The following CNBD1 variants were observed in gnomAD, a reference collection of about 807,000 sequenced individuals.
The protein encoded by CNBD1 is cyclic nucleotide-binding domain-containing protein 1.
Under a neutral mutation model 54.4 loss-of-function variants are expected in CNBD1, and 71 were observed. The observed-to-expected ratio is 1.30, with a 90% CI of 1.08 to 1.59. The LOEUF (loss-of-function observed/expected upper bound fraction) is 1.59. Among genes scored for constraint, CNBD1 ranks in the 40% most tolerant of loss-of-function variants. The pLI is 0.00. For missense variants in CNBD1, 659 were observed against 518.0 expected (o/e 1.27, Z -2.64); for synonymous variants, 182 against 170.7 (o/e 1.07, Z -0.51).
At chr8:87,259,847 A>G (rs1056547836) in intron 6 of CNBD1, among the ~76,000 whole-genome samples, 2 of 152,054 alleles carry the variant, frequency 1.3e-5, no homozygotes, top group African/African-American at 4.8e-5. Flanking sequence ...TAACCACAGG[A>G]CTCTTTAATA....
intron 2 of CNBD1, among the ~76,000 whole-genome samples, chr8:87,399,959 G>A (rs1039634291): frequency 6.6e-6 from 1 of 151,740 alleles, no homozygotes; most frequent in Admixed American, 6.6e-5. Context: ...ATGATAAAAG[G>A]CAGGACATAA....
At chr8:87,128,920 TAAA>T (rs71277914) in intron 4 of CNBD1, among the ~76,000 whole-genome samples, 6 of 126,350 alleles carry the variant, frequency 4.7e-5, no homozygotes, top group East Asian at 2.3e-4. Flanking sequence ...CGTCTCCACT[TAAA>T]AAAAAAAAAA....
intron 4 of CNBD1, among the ~76,000 whole-genome samples, chr8:87,120,289 T>A (rs1469862541): frequency 6.6e-6 from 1 of 152,088 alleles, no homozygotes; most frequent in East Asian, 1.9e-4. Flanking sequence ...TACTTCCTGA[T>A]TCAATCGTGG....
intron 10 of CNBD1, among the ~76,000 whole-genome samples, chr8:87,360,516 A>G (rs1810504594): frequency 2.6e-5 from 4 of 151,886 alleles, no homozygotes; most frequent in Admixed American, 2.6e-4. Context: ...TAAAGTCAAT[A>G]TATCTTTGTC....
intron 4 of CNBD1, among the ~76,000 whole-genome samples, chr8:87,183,377 C>T (rs1178900648): frequency 1.4e-4 from 15 of 109,438 alleles, no homozygotes; most frequent in Admixed American, 2.3e-4. Flanking sequence ...TTTGTTTTTG[C>T]GCTGTTTGTT....
chr8:87,402,216 G>A (rs555394771), intron 2 of CNBD1, among the ~76,000 whole-genome samples: 50 of 151,976 alleles, frequency 3.3e-4, no homozygotes, highest in African/African-American at 8.0e-4. Context: ...GGAAAAACCC[G>A]CCTCCATGAT....
chr8:87,137,116 ATATT>A (rs1812267118), intron 4 of CNBD1, among the ~76,000 whole-genome samples: 1 of 114,498 alleles, frequency 8.7e-6, no homozygotes, highest in Non-Finnish European at 1.7e-5. Context: ...TATATATATT[ATATT>A]TTTATTATAT....
chr8:87,047,126 T>C (rs1393325128), intron 4 of CNBD1, among the ~76,000 whole-genome samples: 1 of 152,162 alleles, frequency 6.6e-6, no homozygotes, highest in Non-Finnish European at 1.5e-5. Context: ...ATTGTAAGTG[T>C]AATGTTGCAG....
At chr8:86,910,635 A>G (rs574309166) in intron 3 of CNBD1, among the ~76,000 whole-genome samples, 16 of 152,334 alleles carry the variant, frequency 1.1e-4, no homozygotes, top group African/African-American at 3.8e-4. Flanking sequence ...TTTAAGCAAT[A>G]AGAAAAGACA....
Position 87,306,044 on chromosome 8 carries a change from C to G in CNBD1, c.1042+19373C>G, listed in dbSNP as rs144803567. ...TAATATCCAGAATCTACAACAAACT[C>G]AAATACAACAGTAAGAAAAAAAACC... On this transcript the variant is annotated intron_variant, in intron 8 of 10. Transcript: ENST00000518476. Among the ~76,000 whole-genome samples the G allele has an allele frequency of 6.5e-3, 987 of 152,070 alleles. 7 individuals carry two copies. Among genetic ancestry groups the G allele is most frequent in the Non-Finnish European group, 0.01 (710 of 67,960 alleles).
intron 4 of CNBD1, among the ~76,000 whole-genome samples, chr8:87,139,865 G>T (rs1474838697): frequency 1.3e-5 from 2 of 152,086 alleles, no homozygotes; most frequent in Non-Finnish European, 2.9e-5. Flanking sequence ...GCTTTAACTT[G>T]TACCTCAACT....
intron 4 of CNBD1, among the ~76,000 whole-genome samples, chr8:87,127,970 C>T (rs1469623310): frequency 3.9e-5 from 6 of 151,984 alleles, no homozygotes; most frequent in Non-Finnish European, 7.4e-5. Flanking sequence ...CCCGGCTCCA[C>T]GAGGAGACAA....
intron 8 of CNBD1, among the ~76,000 whole-genome samples, chr8:87,338,168 A>T (rs1809987351): frequency 6.6e-6 from 1 of 152,152 alleles, no homozygotes; most frequent in Non-Finnish European, 1.5e-5. Flanking sequence ...GAGTACCTTT[A>T]AGTAACGTTA....
chr8:87,071,343 T>A (rs1810755636), intron 4 of CNBD1, among the ~76,000 whole-genome samples: 1 of 152,114 alleles, frequency 6.6e-6, no homozygotes, highest in African/African-American at 2.4e-5. Context: ...CTTTGCTCAT[T>A]GCTGCAATTC....
intron 4 of CNBD1, among the ~76,000 whole-genome samples, chr8:86,973,166 C>T (rs1237204734): frequency 6.6e-6 from 1 of 152,150 alleles, no homozygotes; most frequent in East Asian, 1.9e-4. Context: ...GACCACTGGC[C>T]TTGACAAGTC....
intron 4 of CNBD1, among the ~76,000 whole-genome samples, chr8:87,026,128 A>G (rs76682872): frequency 0.012 from 1,771 of 152,308 alleles, 31 homozygotes; most frequent in African/African-American, 0.038. Context: ...ATGCCACAGA[A>G]GCATTCTTTT....
chr8:87,261,891 A>ATCCC (rs1381477949), intron 6 of CNBD1, among the ~76,000 whole-genome samples: 1 of 151,884 alleles, frequency 6.6e-6, no homozygotes, highest in Non-Finnish European at 1.5e-5. Context: ...CACACCTATA[A>ATCCC]TCCCGGCACT....
chr8:87,153,057 A>G (rs1265471596), intron 4 of CNBD1, among the ~76,000 whole-genome samples: 1 of 152,208 alleles, frequency 6.6e-6, no homozygotes, highest in Non-Finnish European at 1.5e-5. Flanking sequence ...TCAACTTTGA[A>G]AAACAGTGGT....
intron 2 of CNBD1, among the ~76,000 whole-genome samples, chr8:87,410,208 A>G (rs1030778530): frequency 2.0e-5 from 3 of 152,158 alleles, no homozygotes; most frequent in African/African-American, 7.2e-5. Flanking sequence ...GCTCTGATGG[A>G]GATCCACATG....
Sources: gnomAD v4.1 joint callset for allele counts (sites outside exome capture counted in the v4.1 genomes callset) on GRCh38, gnomAD v4.1.1 for gene constraint, MANE v1.5 for transcripts, NCBI Gene and HGNC (gene_info 2026-07-23, HGNC 2026-07-21) for gene names.